TNPO2: variants seen among roughly 807,000 people sequenced by gnomAD.
TNPO2 encodes transportin 2, also known as transportin-2.
Under a neutral mutation model 111.1 loss-of-function variants are expected in TNPO2, and 16 were observed. That is an observed-to-expected ratio of 0.14 (90% CI 0.10 to 0.22). The LOEUF (loss-of-function observed/expected upper bound fraction) is 0.22, where lower values mean the gene tolerates loss of function less well. Among genes scored for constraint, TNPO2 ranks in the 10% least tolerant of loss-of-function variants. The probability of loss-of-function intolerance (pLI) is 1.00; values close to 1 mark genes in which losing one functional copy is unlikely to be tolerated. For synonymous variants in TNPO2, 481 were observed against 475.8 expected (o/e 1.01, Z -0.14); for missense variants, 530 against 1,173.7 (o/e 0.45, Z 8.01).
At chr19:12,711,866 G>GT (rs35251364) in intron 10 of TNPO2, among the ~76,000 whole-genome samples, 14,349 of 142,320 alleles carry the variant, frequency 0.1, 1,784 homozygotes, top group African/African-American at 0.3. Context: ...CCAGAGAAAG[G>GT]TTTTTTTTTT....
rs751522651 is a variant in TNPO2, at chr19:12,702,387, GTTTTT to G, written c.2306-215_2306-211del. 129 of 667,040 alleles carry G rather than the reference GTTTTT, an allele frequency of 1.9e-4. 1 individual carries two copies. In the African/African-American group the frequency reaches 1.9e-3, roughly 10 times the overall value. The allele number at this position is 667,040 out of a possible 1,614,324, so 41.3% of individuals were successfully genotyped here. ...TTTCTTTCCTTTCCCTTTCCTTTTT[GTTTTT>G]TTTTGTTTTGTTTTGTTTTTGAGAT... On this transcript the variant is annotated intron_variant, in intron 21 of 25. Coordinates refer to ENST00000425528, the MANE Select transcript of TNPO2 (RefSeq NM_001382241.1). The surrounding 1 kb of genome is among the most constrained non-coding windows in gnomAD (Gnocchi z 5.5).
intron 5 of TNPO2, 88 bp downstream of exon 5, chr19:12,718,941 A>G: frequency 1.3e-6 from 2 of 1,531,260 alleles, no homozygotes; most frequent in Non-Finnish European, 8.9e-7. Context: ...AGAGGGTGCC[A>G]GAGCATTCCA....
At position 12,702,298 on chromosome 19, in the gene TNPO2, C is replaced by T; in HGVS notation, c.2306-121G>A. The stretch of plus-strand genomic sequence containing the variant: ...AGCCACCCTGGTCCCCCAAGCTTGG[C>T]CCAGCCAGGGGTCCTCCTCATCACA... On this transcript the variant is annotated intron_variant, in intron 21 of 25. Coordinates refer to ENST00000425528, the MANE Select transcript of TNPO2 (RefSeq NM_001382241.1). This position sits in a 1 kb window ranked among gnomAD's most constrained non-coding sequence, Gnocchi z 5.5. 2 of 805,454 alleles carry T rather than the reference C, an allele frequency of 2.5e-6. No individual in the cohort carries two copies. Among genetic ancestry groups the T allele is most frequent in the Admixed American group, 4.3e-5 (2 of 46,090 alleles). 49.9% of individuals were successfully genotyped at this position (805,454 alleles called of 1,614,324 possible). A position where few individuals can be genotyped will look rare whatever the true frequency, so the allele number is the denominator to read the frequency against.
chr19:12,703,694 G>A lies in TNPO2; in HGVS notation c.2110+20C>T. 1.9e-6 allele frequency: 3 copies of A among 1,605,056 alleles called. No individual in the cohort carries two copies. Among genetic ancestry groups the A allele is most frequent in the African/African-American group, 1.3e-5 (1 of 74,894 alleles). On this transcript the variant is annotated intron_variant, in intron 19 of 25. Transcript: ENST00000425528. ...GGCCGGGGCTGGGGTCATGGGTTAG[G>A]GACAAGGCGAGTGTCGTACCGATAC... is the stretch of plus-strand genomic sequence containing the variant.
intron 13 of TNPO2, among the ~76,000 whole-genome samples, chr19:12,708,196 G>A (rs1401627682): frequency 6.6e-6 from 1 of 151,872 alleles, no homozygotes; most frequent in Non-Finnish European, 1.5e-5. Context: ...GCAGTGGTGT[G>A]ATCTCCACTC....
rs1200525730 is a variant in TNPO2, at chr19:12,702,394, TTTG to T, written c.2306-220_2306-218del. 8.9e-6 allele frequency: 6 copies of T among 671,314 alleles called. No homozygotes were observed. Among genetic ancestry groups the T allele is most frequent in the Non-Finnish European group, 1.6e-5 (6 of 366,484 alleles). 41.6% of individuals were successfully genotyped at this position (671,314 alleles called of 1,614,324 possible). ...CCTTTCCCTTTCCTTTTTGTTTTTT[TTTG>T]TTTTGTTTTGTTTTTGAGATGGAGT... is the stretch of plus-strand genomic sequence containing the variant. On this transcript the variant is annotated intron_variant, in intron 21 of 25. Coordinates refer to ENST00000425528, the MANE Select transcript of TNPO2 (RefSeq NM_001382241.1). The surrounding 1 kb of genome is among the most constrained non-coding windows in gnomAD (Gnocchi z 5.5).
At chr19:12,720,633 AAT>A (rs2026631078) in intron 3 of TNPO2, among the ~76,000 whole-genome samples, 1 of 152,166 alleles carries the variant, frequency 6.6e-6, no homozygotes, top group Non-Finnish European at 1.5e-5. Context: ...GGCCTACTTT[AAT>A]AGTTAATGGA....
intron 18 of TNPO2, among the ~76,000 whole-genome samples, chr19:12,704,354 G>C (rs1025014142): frequency 6.6e-6 from 1 of 151,508 alleles, no homozygotes; most frequent in African/African-American, 2.4e-5. Flanking sequence ...GGGTGACAGA[G>C]TGAGACTCTG....
chr19:12,708,622 TCTGGGAAG>T (rs202048561), intron 13 of TNPO2, among the ~76,000 whole-genome samples: 1,672 of 151,596 alleles, frequency 0.011, 29 homozygotes, highest in African/African-American at 0.038. Flanking sequence ...ATCCCAGCAC[TCTGGGAAG>T]CTGAGGCAGA....
At chr19:12,710,829 A>T in intron 12 of TNPO2, 56 bp from the exon 13 acceptor site, 1 of 1,474,074 alleles carries the variant, frequency 6.8e-7, no homozygotes. Flanking sequence ...CAGGTGGCCG[A>T]CCCTCCTTGA....
At chr19:12,722,980 G>A (rs542439677) in intron 2 of TNPO2, among the ~76,000 whole-genome samples, 62 of 152,120 alleles carry the variant, frequency 4.1e-4, no homozygotes, top group Non-Finnish European at 7.9e-4. Flanking sequence ...CCATCCAGAG[G>A]TACTTGGGAG....
chr19:12,714,974 G>T, intron 9 of TNPO2, 35 bp from the exon 10 acceptor site: 1 of 1,598,526 alleles, frequency 6.3e-7, no homozygotes, highest in Non-Finnish European at 8.5e-7. Flanking sequence ...GCCTGGCCTG[G>T]CTGGGGGTGG....
At position 12,701,349 on chromosome 19, in the gene TNPO2, G is replaced by T; in HGVS notation, c.2691C>A (p.Val897=). ...LKERLAAFYG[V] ...ACCTGGCAGTCTCCATGATCACCTA[G>T]ACCCCATAGAAAGCCGCCAGCCTCT... Residue 897 remains valine (V), a synonymous_variant, in exon 25 of 26, where the codon GTC becomes GTA. Transcript: ENST00000425528. The surrounding 1 kb of genome is among the most constrained non-coding windows in gnomAD (Gnocchi z 5.0). The T allele has an allele frequency of 6.2e-7, 1 of 1,613,468 alleles. No individual in the cohort carries two copies. The highest frequency in any genetic ancestry group is 1.1e-5 in the South Asian group (1 of 91,050).
At position 12,711,345 on chromosome 19, in the gene TNPO2, C is replaced by G; in HGVS notation, c.1068G>C (p.Glu356Asp). 1 of 1,614,044 alleles carries G rather than the reference C, an allele frequency of 6.2e-7. No individual in the cohort carries two copies. Among genetic ancestry groups the G allele is most frequent in the Non-Finnish European group, 8.5e-7 (1 of 1,179,902 alleles). Residue 356 changes from glutamate to aspartate, a missense_variant, in exon 12 of 26, where the codon GAG (glutamate) becomes GAC (aspartate). Glu to Asp is a conservative substitution (Grantham distance 45). Around this residue, in one of 4 missense-constraint regions of TNPO2, gnomAD observed 88 missense variants for 130.2 expected, o/e 0.68. Transcript: ENST00000425528. ...PHEAERPDGS[E>D]DAEDDDDDDA... is the part of the protein sequence containing the mutation. ...CATCATCATCGTCATCCTCCGCGTCCTCGGAGCCATCAGGCCGCTCAGCCT... is the reference window on the plus strand; with the variant it reads ...CATCATCATCGTCATCCTCCGCGTCGTCGGAGCCATCAGGCCGCTCAGCCT...
In TNPO2 at chr19:12,701,518, A is replaced by G; in HGVS notation, c.2587-65T>C. The G allele has an allele frequency of 3.1e-6, 5 of 1,595,234 alleles. No individual in the cohort carries two copies. The highest frequency in any genetic ancestry group is 4.3e-6 in the Non-Finnish European group (5 of 1,163,244). On this transcript the variant is annotated intron_variant, in intron 24 of 25. Transcript: ENST00000425528. The surrounding 1 kb of genome is among the most constrained non-coding windows in gnomAD (Gnocchi z 5.0). Reference sequence around the variant, plus strand: ...ACAAGGGGAGTGCGCCTCTTCCCCCATCCCCAGGCCCCATTGTTACCAGAT... The same window carrying G: ...ACAAGGGGAGTGCGCCTCTTCCCCCGTCCCCAGGCCCCATTGTTACCAGAT...
At chr19:12,707,116 G>A (rs1437981645) in intron 13 of TNPO2, among the ~76,000 whole-genome samples, 1 of 152,112 alleles carries the variant, frequency 6.6e-6, no homozygotes, top group African/African-American at 2.4e-5. Flanking sequence ...TCCTGCCTCA[G>A]CCTCCCAAGT....
rs761792128 is a variant in TNPO2 at position 12,701,602 on chromosome 19, T to C, written c.2582A>G (p.Tyr861Cys). 1.3e-5 allele frequency: 21 copies of C among 1,613,474 alleles called. No individual in the cohort carries two copies. The highest frequency in any genetic ancestry group is 2.7e-5 in the African/African-American group (2 of 74,812). The change falls in exon 24 of 26, where the codon TAT becomes TGT. Residue 861 changes from tyrosine (Y) to cysteine (C), a missense_variant. This residue lies in a region of TNPO2 where 103 missense variants were observed against 156.7 expected (regional missense o/e 0.66). Coordinates refer to ENST00000425528, the MANE Select transcript of TNPO2 (RefSeq NM_001382241.1). The surrounding 1 kb of genome is among the most constrained non-coding windows in gnomAD (Gnocchi z 5.0). The stretch of plus-strand genomic sequence containing the variant: ...AGGGCCCAGACAGAGCCTCACCTTA[T>C]AAAACATGTCCCGAAGGTCATCCTT... ...SPKDDLRDMF[Y>C]KILHGFKDQV...
At position 12,701,955 on chromosome 19, in the gene TNPO2, T is replaced by TG. The variant is rs2025336388; in HGVS notation, c.2412-105dup. On this transcript the variant is annotated intron_variant, in intron 22 of 25. Transcript: ENST00000425528. The surrounding 1 kb of genome is among the most constrained non-coding windows in gnomAD (Gnocchi z 5.0). ...TGAGTGGGCCTGGGACATGCATCTG[T>TG]GGGGGTGGGGCAGGGCAGGGAGTCA... 4.3e-6 allele frequency: 6 copies of TG among 1,381,432 alleles called. No homozygotes were observed. Among genetic ancestry groups the TG allele is most frequent in the Admixed American group, 1.7e-5 (1 of 57,984 alleles). 85.6% of individuals were successfully genotyped at this position (1,381,432 alleles called of 1,614,324 possible). A position where few individuals can be genotyped will look rare whatever the true frequency, so the allele number is the denominator to read the frequency against.
rs201521009 is a variant in TNPO2, at chr19:12,710,661, G to T, written c.1230C>A (p.Val410=). 2.1e-4 allele frequency: 344 copies of T among 1,613,500 alleles called. No homozygotes were observed. Among genetic ancestry groups the T allele is most frequent in the Non-Finnish European group, 2.8e-4 (333 of 1,179,750 alleles). ...CCAGCACCAGGATGCCCGACTCCTT[G>T]ACCACCCACTCGGGGTGGAAGAGGA... ...KGLLFHPEWV[V]KESGILVLGA... is the part of the protein sequence containing the mutation. The change falls in exon 13 of 26, where the codon GTC becomes GTA. Residue 410 remains valine, a synonymous_variant. Coordinates refer to ENST00000425528, the MANE Select transcript of TNPO2 (RefSeq NM_001382241.1).
Sources: gnomAD v4.1 joint callset for allele counts (sites outside exome capture counted in the v4.1 genomes callset) on GRCh38, gnomAD v4.1.1 for gene constraint, gnomAD v4.1.1 regional missense constraint, Gnocchi (gnomAD v3.1) non-coding constraint, MANE v1.5 for transcripts, NCBI Gene and HGNC (gene_info 2026-07-23, HGNC 2026-07-21) for gene names.